Variants in STON1 observed in about 807,000 individuals in gnomAD.
STON1 encodes the protein stonin 1.
In STON1, 79 loss-of-function variants were observed where a neutral mutation model predicts 60.9. That is an observed-to-expected ratio of 1.30 (90% confidence interval 1.08 to 1.56). The LOEUF (loss-of-function observed/expected upper bound fraction) is 1.56. STON1 is among the 40% of genes most tolerant of loss of function. The probability of loss-of-function intolerance (pLI) is 0.00; values close to 1 mark genes in which losing one functional copy is unlikely to be tolerated. For missense variants in STON1, 1,166 were observed against 858.9 expected, an observed-to-expected ratio of 1.36 and a Z score of -4.47; for synonymous variants, 363 against 306.9, an observed-to-expected ratio of 1.18 and a Z score of -1.91.
intron 1 of STON1, among the ~76,000 whole-genome samples, chr2:48,555,508 C>T (rs1340714453): frequency 1.1e-5 from 1 of 91,536 alleles, no homozygotes; most frequent in African/African-American, 4.2e-5. Flanking sequence ...GGCTGACCCC[C>T]CCACCTCCCT....
At position 48,596,643 on chromosome 2, in the gene STON1, T is replaced by A. The variant is rs548691452; in HGVS notation, c.*1341T>A. ...TTAGTGTTCTTCCAAACAACATTTA[T>A]GTGTTGGCCTACAGAGTTTATTTCA... On this transcript the variant is annotated 3_prime_UTR_variant, in exon 4 of 4. Transcript: ENST00000404752. The A allele has an allele frequency of 6.6e-6, 1 of 152,332 alleles. No homozygotes were observed. Among genetic ancestry groups the A allele is most frequent in the Admixed American group, 6.5e-5 (1 of 15,300 alleles). 9.4% of individuals were successfully genotyped at this position (152,332 alleles called of 1,614,324 possible).
In STON1 at chr2:48,581,371, A is replaced by C; in HGVS notation, c.738A>C (p.Arg246Ser). ...LQSAENQDSLRSLSMHCLCAE... is the reference protein window; with the variant it reads ...LQSAENQDSLSSLSMHCLCAE... ...CAGCTGAGAACCAAGACTCACTTAG[A>C]AGTTTGTCTATGCACTGTCTATGTG... The change falls in exon 2 of 4, where the codon AGA (arginine) becomes AGC (serine). Residue 246 changes from arginine to serine, a missense_variant. By Grantham distance (110) the Arg-to-Ser change is moderately radical (BLOSUM62 -1). Transcript: ENST00000404752. 6.3e-7 allele frequency: 1 copy of C among 1,575,792 alleles called. No individual in the cohort carries two copies. The highest frequency in any genetic ancestry group is 8.6e-7 in the Non-Finnish European group (1 of 1,161,384).
intron 1 of STON1, among the ~76,000 whole-genome samples, chr2:48,533,259 A>G (rs2103726317): frequency 6.6e-6 from 1 of 152,090 alleles, no homozygotes; most frequent in East Asian, 1.9e-4. Context: ...GCGGGCACCT[A>G]TAATCCCACC....
chr2:48,530,306 C>A (rs1017705808), intron 1 of STON1, 90 bp downstream of exon 1: 52 of 324,964 alleles, frequency 1.6e-4, no homozygotes, highest in African/African-American at 1.2e-3. Flanking sequence ...GGAAAGTTTG[C>A]GGGCGCCCCG....
intron 1 of STON1, among the ~76,000 whole-genome samples, chr2:48,537,745 G>A (rs2103742254): frequency 6.6e-6 from 1 of 151,572 alleles, no homozygotes; most frequent in African/African-American, 2.4e-5. Context: ...AGCTACTCGG[G>A]AGGCTGAGGC....
chr2:48,582,683 G>A, intron 2 of STON1, 120 bp downstream of exon 2: 1 of 1,459,868 alleles, frequency 6.8e-7, no homozygotes, highest in Non-Finnish European at 9.1e-7. Flanking sequence ...GCTGTGCTTT[G>A]GGGTAGGAGA....
At position 48,581,399 on chromosome 2, in the gene STON1, G is replaced by A; in HGVS notation, c.766G>A (p.Glu256Lys). ...TTTGTCTATGCACTGTCTATGTGCT[G>A]AAGAAAATGCCTCTTCCTTTGTCCC... ...RSLSMHCLCA[E>K]ENASSFVPHT... The change falls in exon 2 of 4, where the codon GAA becomes AAA. Residue 256 changes from glutamate to lysine, a missense_variant. Transcript: ENST00000404752. 6.2e-7 allele frequency: 1 copy of A among 1,608,850 alleles called. No individual in the cohort carries two copies. Among genetic ancestry groups the A allele is most frequent in the Non-Finnish European group, 8.5e-7 (1 of 1,176,924 alleles).
At chr2:48,586,014 A>G (rs1201518987) in intron 2 of STON1, among the ~76,000 whole-genome samples, 1 of 152,266 alleles carries the variant, frequency 6.6e-6, no homozygotes, top group Admixed American at 6.5e-5. Context: ...TTTGTAGTCC[A>G]TTCCTATTGC....
chr2:48,546,254 G>C (rs1398637336), intron 1 of STON1, among the ~76,000 whole-genome samples: 4 of 152,188 alleles, frequency 2.6e-5, no homozygotes, highest in Non-Finnish European at 5.9e-5. Flanking sequence ...TCGTGAGACA[G>C]AATGGCTTCT....
chr2:48,530,258 A>AC lies in STON1; in HGVS notation c.-48+49dup, dbSNP rs746233021. ...AGGGGACAGAGACGGGAGGCCTGGGACCCCCCCTCTCCAGGGTGGGGCCTC... is the reference window on the plus strand; with the variant it reads ...AGGGGACAGAGACGGGAGGCCTGGGACCCCCCCCTCTCCAGGGTGGGGCCTC... On this transcript the variant is annotated intron_variant, in intron 1 of 3. Coordinates refer to ENST00000404752, the MANE Select transcript of STON1 (RefSeq NM_006873.4). 51 of 346,742 alleles carry AC rather than the reference A, an allele frequency of 1.5e-4. No homozygotes were observed. In the Middle Eastern group the frequency reaches 3.2e-3, roughly 21 times the overall value. 21.5% of individuals were successfully genotyped at this position (346,742 alleles called of 1,614,324 possible). A position where few individuals can be genotyped will look rare whatever the true frequency, so the allele number is the denominator to read the frequency against.
At chr2:48,561,608 C>T (rs985745294) in intron 1 of STON1, among the ~76,000 whole-genome samples, 2 of 152,166 alleles carry the variant, frequency 1.3e-5, no homozygotes, top group African/African-American at 4.8e-5. Flanking sequence ...CTGCCCTGTG[C>T]ATTGTAGAAT....
chr2:48,588,306 C>G (rs114936702), intron 2 of STON1, among the ~76,000 whole-genome samples: 2 of 152,138 alleles, frequency 1.3e-5, no homozygotes, highest in African/African-American at 4.8e-5. Flanking sequence ...TTTTAAAAAG[C>G]TCTTTAAAAT....
intron 3 of STON1, 64 bp from the exon 4 acceptor site, chr2:48,595,164 T>C: frequency 7.9e-7 from 1 of 1,266,482 alleles, no homozygotes; most frequent in Admixed American, 1.7e-5. Flanking sequence ...AAAATAGGAC[T>C]GAAGAGGTGT....
intron 1 of STON1, among the ~76,000 whole-genome samples, chr2:48,556,950 G>A (rs1672389317): frequency 7.0e-5 from 2 of 28,378 alleles, no homozygotes; most frequent in African/African-American, 3.2e-4. Flanking sequence ...CCTCCCGGAC[G>A]GGGCGGCTGG....
rs1262827647 is a variant in STON1, at chr2:48,597,100, G to C, written c.*1798G>C. On this transcript the variant is annotated 3_prime_UTR_variant, in exon 4 of 4. Coordinates refer to ENST00000404752, the MANE Select transcript of STON1 (RefSeq NM_006873.4). ...ACTCCTGACCTCAGGTGATCCACCA[G>C]CCTCGGCCTCCCAAAGTTCTGGGAT... is the stretch of plus-strand genomic sequence containing the variant. 1.3e-5 allele frequency: 2 copies of C among 152,138 alleles called. No individual in the cohort carries two copies. The highest frequency in any genetic ancestry group is 3.9e-4 in the East Asian group (2 of 5,190). 9.4% of individuals were successfully genotyped at this position (152,138 alleles called of 1,614,324 possible).
At chr2:48,546,216 AT>A (rs1262085644) in intron 1 of STON1, among the ~76,000 whole-genome samples, 2 of 151,890 alleles carry the variant, frequency 1.3e-5, no homozygotes, top group Non-Finnish European at 2.9e-5. Context: ...CTGCATCCTC[AT>A]TTTCTTTTGG....
chr2:48,581,471 C>G lies in STON1; in HGVS notation c.838C>G (p.Leu280Val), dbSNP rs755948820. 1 of 1,614,210 alleles carries G rather than the reference C, an allele frequency of 6.2e-7. No individual in the cohort carries two copies. The highest frequency in any genetic ancestry group is 1.1e-5 in the South Asian group (1 of 91,088). ...GCCAAAATCCGGATGGTCTTTCATG[C>G]TGAGAATTCCTGAGAAGAAGAATAT... ...SQPKSGWSFM[L>V]RIPEKKNMMS... Residue 280 changes from leucine to valine, a missense_variant, in exon 2 of 4, where the codon CTG becomes GTG. Coordinates refer to ENST00000404752, the MANE Select transcript of STON1 (RefSeq NM_006873.4).
intron 1 of STON1, among the ~76,000 whole-genome samples, chr2:48,561,586 CTTG>C (rs1672615520): frequency 6.6e-6 from 1 of 152,174 alleles, no homozygotes; most frequent in Non-Finnish European, 1.5e-5. Context: ...CTGGAAAATT[CTTG>C]TTGTGGGGCT....
chr2:48,561,123 C>T (rs762918720), intron 1 of STON1, among the ~76,000 whole-genome samples: 2 of 152,210 alleles, frequency 1.3e-5, no homozygotes, highest in Non-Finnish European at 2.9e-5. Flanking sequence ...CACTCTCTAC[C>T]TCTAGCCCTT....
Sources: allele counts gnomAD v4.1 joint callset (sites outside exome capture counted in the v4.1 genomes callset), GRCh38; gene constraint gnomAD v4.1.1; transcripts MANE v1.5; gene names NCBI Gene and HGNC (gene_info 2026-07-23, HGNC 2026-07-21).